Variants in ZNF385D observed in about 807,000 individuals in gnomAD.
The protein encoded by ZNF385D is zinc finger protein 385D.
ZNF385D carries 15 observed loss-of-function variants against 35.8 expected under a neutral mutation model. The observed-to-expected ratio is 0.42, with a 90% confidence interval of 0.28 to 0.64. The LOEUF is 0.64. Among genes scored for constraint, ZNF385D ranks in the 30% least tolerant of loss-of-function variants. The probability of loss-of-function intolerance (pLI) is 0.23; values close to 1 mark genes in which losing one functional copy is unlikely to be tolerated. For synonymous variants in ZNF385D, 212 were observed against 186.8 expected, an observed-to-expected ratio of 1.13 and a Z score of -1.10; for missense variants, 474 against 494.6, an observed-to-expected ratio of 0.96 and a Z score of 0.39.
chr3:21,599,401 T>G (rs925697066), intron 2 of ZNF385D, among the ~76,000 whole-genome samples: 3 of 152,214 alleles, frequency 2.0e-5, no homozygotes, highest in African/African-American at 7.2e-5. Context: ...ATTTTATACT[T>G]TACTTTTAAA....
chr3:22,225,127 T>C (rs1004709263), intron 2 of ZNF385D, among the ~76,000 whole-genome samples: 2 of 152,332 alleles, frequency 1.3e-5, no homozygotes, highest in Middle Eastern at 3.4e-3. Context: ...CCTGACTTTA[T>C]GTAGTGTTAA....
intron 2 of ZNF385D, among the ~76,000 whole-genome samples, chr3:21,601,694 A>C (rs1167000797): frequency 6.6e-6 from 1 of 152,208 alleles, no homozygotes; most frequent in African/African-American, 2.4e-5. Context: ...AAACACCCAA[A>C]GATGCCCTGC....
At chr3:21,837,394 G>A (rs1392996375) in intron 3 of ZNF385D, among the ~76,000 whole-genome samples, 2 of 152,062 alleles carry the variant, frequency 1.3e-5, no homozygotes, top group African/African-American at 2.4e-5. Context: ...GAGGTAGATA[G>A]GGGTCTGGAA....
chr3:22,169,706 G>T (rs906604876), intron 2 of ZNF385D, among the ~76,000 whole-genome samples: 1 of 152,180 alleles, frequency 6.6e-6, no homozygotes, highest in Non-Finnish European at 1.5e-5. Flanking sequence ...ACATTGGAAA[G>T]CATTACTTCT....
intron 2 of ZNF385D, among the ~76,000 whole-genome samples, chr3:22,262,156 G>A (rs540123323): frequency 1.3e-5 from 2 of 151,574 alleles, no homozygotes; most frequent in African/African-American, 4.8e-5. Flanking sequence ...CTTTTGCCTA[G>A]AGATTTACTA....
intron 3 of ZNF385D, among the ~76,000 whole-genome samples, chr3:21,975,215 G>A (rs1001291020): frequency 3.3e-5 from 5 of 152,112 alleles, no homozygotes; most frequent in African/African-American, 1.2e-4. Context: ...ATACACAATG[G>A]AGTACTATTC....
At chr3:21,607,288 T>A (rs1415440361) in intron 2 of ZNF385D, among the ~76,000 whole-genome samples, 1 of 152,198 alleles carries the variant, frequency 6.6e-6, no homozygotes, top group Non-Finnish European at 1.5e-5. Context: ...ATTAATGACT[T>A]AACGTCATCC....
intron 2 of ZNF385D, among the ~76,000 whole-genome samples, chr3:22,274,106 TCTC>T (rs1461689192): frequency 5.3e-5 from 8 of 151,864 alleles, no homozygotes; most frequent in African/African-American, 1.9e-4. Context: ...TCTAACCCCT[TCTC>T]CTGGAAGGGG....
intron 3 of ZNF385D, among the ~76,000 whole-genome samples, chr3:22,163,294 G>A (rs1706092346): frequency 6.6e-6 from 1 of 152,048 alleles, no homozygotes; most frequent in Non-Finnish European, 1.5e-5. Context: ...GAATTCAGGT[G>A]GTATACATGC....
chr3:21,815,912 C>T (rs1423835724), intron 3 of ZNF385D, among the ~76,000 whole-genome samples: 1 of 152,164 alleles, frequency 6.6e-6, no homozygotes. Context: ...CCCTGATGAA[C>T]ATCGATGCAA....
intron 1 of ZNF385D, among the ~76,000 whole-genome samples, chr3:21,670,263 T>C (rs910537855): frequency 6.6e-6 from 1 of 151,780 alleles, no homozygotes; most frequent in Non-Finnish European, 1.5e-5. Flanking sequence ...CTTATTTATA[T>C]TAAAATATAT....
intron 3 of ZNF385D, among the ~76,000 whole-genome samples, chr3:21,526,616 A>G (rs189577386): frequency 8.1e-4 from 124 of 152,306 alleles, no homozygotes; most frequent in African/African-American, 3.0e-3. Context: ...GGGAATGCCT[A>G]TCACTATTGA....
rs370075314 is a variant in ZNF385D at position 21,596,199 on chromosome 3, C to T, written c.166-31515G>A. ...AGCCAACTCTGAATTTCAGTTTTCA[C>T]AGCGGCAAGGAGGGAAGAGGATTAA... On this transcript the variant is annotated intron_variant, in intron 2 of 7. Transcript: ENST00000281523. 4.6e-5 allele frequency among the ~76,000 whole-genome samples: 7 copies of T among 152,296 alleles called. 1 individual carries two copies. The highest frequency in any genetic ancestry group is 1.7e-4 in the African/African-American group (7 of 41,562).
At chr3:21,647,725 A>ACAT (rs796503988) in intron 2 of ZNF385D, among the ~76,000 whole-genome samples, 11 of 152,306 alleles carry the variant, frequency 7.2e-5, no homozygotes, top group African/African-American at 2.6e-4. Flanking sequence ...TTCTTAAAGC[A>ACAT]CATCACTTTT....
intron 2 of ZNF385D, among the ~76,000 whole-genome samples, chr3:22,253,723 A>G (rs1700174089): frequency 6.6e-6 from 1 of 151,976 alleles, no homozygotes; most frequent in East Asian, 1.9e-4. Flanking sequence ...TTAGATAAGA[A>G]TAACTTAGAA....
chr3:22,359,336 G>C (rs1696307842), intron 2 of ZNF385D, among the ~76,000 whole-genome samples: 1 of 151,510 alleles, frequency 6.6e-6, no homozygotes, highest in South Asian at 2.1e-4. Context: ...AAAATGAGCA[G>C]GTGTCTCATA....
In ZNF385D at chr3:21,892,920, AT is replaced by A. The variant is rs530462730; in HGVS notation, c.326-227893del. On this transcript the variant is annotated intron_variant, in intron 3 of 5. Coordinates refer to the ZNF385D transcript ENST00000494108. Reference sequence around the variant, plus strand: ...TGCAGAATGTCAGAGTAAGTGACATATTGTAAAAATAAGCATTTTTTGGACA... The same window carrying A: ...TGCAGAATGTCAGAGTAAGTGACATATGTAAAAATAAGCATTTTTTGGACA... 5.4e-3 allele frequency among the ~76,000 whole-genome samples: 827 copies of A among 152,314 alleles called. 8 individuals are homozygous for A. The highest frequency in any genetic ancestry group is 0.021 in the South Asian group (99 of 4,826).
intron 3 of ZNF385D, among the ~76,000 whole-genome samples, chr3:22,034,488 T>C (rs1698194647): frequency 6.6e-6 from 1 of 152,088 alleles, no homozygotes; most frequent in African/African-American, 2.4e-5. Context: ...GTAAATTTGA[T>C]CTCAAAAAGC....
At chr3:22,147,556 G>A (rs1002823436) in intron 3 of ZNF385D, among the ~76,000 whole-genome samples, 1 of 152,094 alleles carries the variant, frequency 6.6e-6, no homozygotes, top group Non-Finnish European at 1.5e-5. Flanking sequence ...AAGGGGATTT[G>A]GAAATGAAAT....
Sources: allele counts gnomAD v4.1 joint callset (sites outside exome capture counted in the v4.1 genomes callset), GRCh38; gene constraint gnomAD v4.1.1; transcripts MANE v1.5; gene names NCBI Gene and HGNC (gene_info 2026-07-23, HGNC 2026-07-21).